Variants in MTUS2 observed in about 807,000 individuals in gnomAD.
The protein encoded by MTUS2 is microtubule-associated tumor suppressor candidate 2.
MTUS2 carries 40 observed loss-of-function variants against 114.1 expected under a neutral mutation model. The ratio of observed to expected loss-of-function variants is 0.35; its 90% CI spans 0.27 to 0.46. MTUS2 has a LOEUF of 0.46. MTUS2 is among the 20% of genes least tolerant of loss of function. The pLI is 1.00. For synonymous variants in MTUS2, 688 were observed against 672.0 expected (o/e 1.02, Z -0.37); for missense variants, 1,679 against 1,705.4 (o/e 0.98, Z 0.27).
chr13:28,921,583 C>T (rs752202969), intron 2 of MTUS2, among the ~76,000 whole-genome samples: 4 of 152,184 alleles, frequency 2.6e-5, no homozygotes, highest in Non-Finnish European at 4.4e-5. Context: ...CTAAGCCCAG[C>T]TCAGCATAGG....
chr13:28,957,366 G>A (rs1033129450), intron 2 of MTUS2, among the ~76,000 whole-genome samples: 6 of 152,240 alleles, frequency 3.9e-5, no homozygotes, highest in African/African-American at 1.2e-4. Context: ...GTAAAGCGGG[G>A]GATACTTTCC....
chr13:29,266,120 G>A (rs1039121353), intron 5 of MTUS2, among the ~76,000 whole-genome samples: 1 of 152,182 alleles, frequency 6.6e-6, no homozygotes, highest in Non-Finnish European at 1.5e-5. Flanking sequence ...CTGTGACTAA[G>A]GCTCCATGTT....
intron 5 of MTUS2, among the ~76,000 whole-genome samples, chr13:29,189,743 T>C (rs549980100): frequency 6.6e-6 from 1 of 152,318 alleles, no homozygotes; most frequent in East Asian, 1.9e-4. Flanking sequence ...TTTAAGAAGT[T>C]ACTCTTATGG....
intron 5 of MTUS2, among the ~76,000 whole-genome samples, chr13:29,277,036 T>C (rs1421489575): frequency 6.6e-6 from 1 of 152,230 alleles, no homozygotes; most frequent in East Asian, 1.9e-4. Flanking sequence ...CTAACAGTTA[T>C]TAATCTCTGT....
intron 8 of MTUS2, among the ~76,000 whole-genome samples, chr13:29,384,874 G>A (rs1872529204): frequency 6.6e-6 from 1 of 152,226 alleles, no homozygotes; most frequent in Admixed American, 6.5e-5. Context: ...ACAGACCACA[G>A]CTCCTGTTCA....
intron 8 of MTUS2, among the ~76,000 whole-genome samples, chr13:29,416,280 A>C (rs1875660701): frequency 6.6e-6 from 1 of 151,802 alleles, no homozygotes; most frequent in Non-Finnish European, 1.5e-5. Flanking sequence ...TACAACAATG[A>C]ATGAACTTAT....
intron 8 of MTUS2, among the ~76,000 whole-genome samples, chr13:29,408,091 T>C (rs1400667019): frequency 6.6e-6 from 1 of 152,228 alleles, no homozygotes; most frequent in African/African-American, 2.4e-5. Context: ...ATTTGTGGAT[T>C]ATACATATTA....
At chr13:28,864,231 C>CT (rs1877162159) in intron 2 of MTUS2, among the ~76,000 whole-genome samples, 1 of 152,146 alleles carries the variant, frequency 6.6e-6, no homozygotes, top group African/African-American at 2.4e-5. Flanking sequence ...TAGAAACATA[C>CT]CAATTGTGAG....
intron 5 of MTUS2, among the ~76,000 whole-genome samples, chr13:29,210,317 A>AT (rs1042722915): frequency 3.0e-4 from 46 of 151,366 alleles, no homozygotes; most frequent in African/African-American, 1.1e-3. Flanking sequence ...TTCTCTGGAG[A>AT]TTTTTTCATC....
intron 5 of MTUS2, among the ~76,000 whole-genome samples, chr13:29,260,896 G>T (rs574600178): frequency 8.5e-5 from 13 of 152,232 alleles, no homozygotes; most frequent in Admixed American, 3.3e-4. Flanking sequence ...TAGAGGCCGG[G>T]GTTGCTGCTG....
intron 4 of MTUS2, among the ~76,000 whole-genome samples, chr13:29,050,622 C>T (rs1887850209): frequency 6.6e-6 from 1 of 152,224 alleles, no homozygotes; most frequent in Non-Finnish European, 1.5e-5. Flanking sequence ...GCTTCACCAC[C>T]AGTGAACACA....
intron 5 of MTUS2, among the ~76,000 whole-genome samples, chr13:29,129,879 C>A (rs1223064246): frequency 6.6e-6 from 1 of 152,044 alleles, no homozygotes; most frequent in African/African-American, 2.4e-5. Context: ...GGTGAGGGTT[C>A]TTGGTCCATT....
chr13:29,400,756 CA>C (rs1388408705), intron 8 of MTUS2, among the ~76,000 whole-genome samples: 1 of 152,168 alleles, frequency 6.6e-6, no homozygotes, highest in Non-Finnish European at 1.5e-5. Context: ...GGTAATTTGG[CA>C]GAGTGTATAT....
rs563091933 is a variant in MTUS2 at position 29,302,546 on chromosome 13, G to A, written c.2806+20681G>A. The stretch of plus-strand genomic sequence containing the variant: ...CCCTAGGAAGGGAGCTGAATCCAGG[G>A]TGCCAAGCAGTGTCATTTTGTGGGC... On this transcript the variant is annotated intron_variant, in intron 6 of 15. Coordinates refer to ENST00000612955, the MANE Select transcript of MTUS2 (RefSeq NM_001033602.4). 4.6e-5 allele frequency among the ~76,000 whole-genome samples: 7 copies of A among 152,306 alleles called. No homozygotes were observed. In the South Asian group the frequency reaches 1.5e-3, roughly 32 times the overall value.
At chr13:29,211,758 G>A (rs147266483) in intron 5 of MTUS2, among the ~76,000 whole-genome samples, 2,792 of 151,220 alleles carry the variant, frequency 0.018, 39 homozygotes, top group African/African-American at 0.064. Flanking sequence ...GGGGGCAGTC[G>A]TTCCCCTTTC....
At chr13:29,169,720 CT>C (rs1288275885) in intron 5 of MTUS2, among the ~76,000 whole-genome samples, 1 of 152,104 alleles carries the variant, frequency 6.6e-6, no homozygotes, top group Non-Finnish European at 1.5e-5. Flanking sequence ...TCCTGCTGAA[CT>C]TTGATGAGCG....
intron 5 of MTUS2, among the ~76,000 whole-genome samples, chr13:29,200,646 A>C (rs547721206): frequency 1.3e-5 from 2 of 148,862 alleles, no homozygotes; most frequent in South Asian, 2.1e-4. Flanking sequence ...TTAGCCTCCC[A>C]AGTAGTGGGA....
intron 5 of MTUS2, among the ~76,000 whole-genome samples, chr13:29,180,504 G>A (rs1301219641): frequency 6.6e-6 from 1 of 152,222 alleles, no homozygotes; most frequent in African/African-American, 2.4e-5. Flanking sequence ...ATTTGGAAAA[G>A]TACATGAACT....
At chr13:29,118,720 C>T (rs972006458) in intron 5 of MTUS2, among the ~76,000 whole-genome samples, 4 of 152,136 alleles carry the variant, frequency 2.6e-5, no homozygotes, top group Admixed American at 6.5e-5. Flanking sequence ...TGGCCTTGTG[C>T]TCCTTCTCAA....
Sources: allele counts gnomAD v4.1 joint callset (sites outside exome capture counted in the v4.1 genomes callset), GRCh38; gene constraint gnomAD v4.1.1; transcripts MANE v1.5; gene names NCBI Gene and HGNC (gene_info 2026-07-23, HGNC 2026-07-21).